The following MIPEP variants were observed in gnomAD, a reference collection of about 807,000 sequenced individuals.
MIPEP encodes the protein mitochondrial intermediate peptidase.
In MIPEP, 79 loss-of-function variants were observed where a neutral mutation model predicts 90.3. The observed-to-expected ratio is 0.87, with a 90% CI of 0.73 to 1.05. The LOEUF (loss-of-function observed/expected upper bound fraction) is 1.05. Ranked by LOEUF, MIPEP falls within the 50% of genes least tolerant of loss-of-function variation. MIPEP has a pLI of 0.00. For synonymous variants in MIPEP, 334 were observed against 315.8 expected, an observed-to-expected ratio of 1.06 and a Z score of -0.61; for missense variants, 940 against 905.6, an observed-to-expected ratio of 1.04 and a Z score of -0.49.
Position 23,836,359 on chromosome 13 carries a change from G to GAAAA in MIPEP, c.1544-14_1544-11dup. 6 of 1,193,814 alleles carry GAAAA rather than the reference G, an allele frequency of 5.0e-6. No homozygotes were observed. Among genetic ancestry groups the GAAAA allele is most frequent in the East Asian group, 3.0e-5 (1 of 33,482 alleles). The allele number at this position is 1,193,814 out of a possible 1,614,324, so 74.0% of individuals were successfully genotyped here. ...GTAGGGCACCTGGTCCCTAAAACAA[G>GAAAA]AAAAAAAAAAAAGTTGGCATGAATC... is the stretch of plus-strand genomic sequence containing the variant. On this transcript the variant is annotated splice_polypyrimidine_tract_variant and intron_variant, in intron 13 of 18. Coordinates refer to ENST00000382172, the MANE Select transcript of MIPEP (RefSeq NM_005932.4).
At chr13:23,873,049 AAAG>A (rs1163990200) in intron 5 of MIPEP, among the ~76,000 whole-genome samples, 3 of 152,248 alleles carry the variant, frequency 2.0e-5, no homozygotes, top group African/African-American at 4.8e-5. Flanking sequence ...AACAAAAGGT[AAAG>A]AAGAATGCCA....
chr13:23,789,829 C>A (rs749029353), intron 16 of MIPEP, among the ~76,000 whole-genome samples: 5 of 152,122 alleles, frequency 3.3e-5, no homozygotes, highest in African/African-American at 1.2e-4. Flanking sequence ...AGTTCCACTG[C>A]GATCAGTCTT....
chr13:23,853,281 T>C (rs961055212), intron 10 of MIPEP, among the ~76,000 whole-genome samples: 1 of 152,182 alleles, frequency 6.6e-6, no homozygotes, highest in Admixed American at 6.5e-5. Context: ...CCAGAGCAAC[T>C]TCCAGTCCTG....
At position 23,805,246 on chromosome 13, in the gene MIPEP, C is replaced by T. The variant is rs183266586; in HGVS notation, c.1848+704G>A. On this transcript the variant is annotated intron_variant, in intron 16 of 18. Coordinates refer to ENST00000382172, the MANE Select transcript of MIPEP (RefSeq NM_005932.4). ...ACACTGTTAATTGCACTAGGAGTCA[C>T]GGTGCTCAACTGCTCCTTACACGAG... Among the ~76,000 whole-genome samples, 16 of 152,222 alleles carry T rather than the reference C, an allele frequency of 1.1e-4. No homozygotes were observed. In the East Asian group the frequency reaches 2.7e-3, roughly 26 times the overall value.
intron 15 of MIPEP, among the ~76,000 whole-genome samples, chr13:23,808,391 A>C (rs898681470): frequency 6.6e-6 from 1 of 152,048 alleles, no homozygotes; most frequent in Admixed American, 6.6e-5. Context: ...GAGCCACCGC[A>C]TCTGGCCTTA....
chr13:23,834,663 C>A (rs1216853683), intron 14 of MIPEP, among the ~76,000 whole-genome samples: 1 of 152,200 alleles, frequency 6.6e-6, no homozygotes, highest in South Asian at 2.1e-4. Context: ...CTGGCGAATG[C>A]CGCTTCTCTT....
chr13:23,835,028 T>TTTC (rs1868970410), intron 14 of MIPEP, among the ~76,000 whole-genome samples: 1 of 150,610 alleles, frequency 6.6e-6, no homozygotes, highest in African/African-American at 2.4e-5. Context: ...ATTATTCTTT[T>TTTC]TTTTTTTTTT....
chr13:23,767,855 A>T (rs549078468), intron 16 of MIPEP, among the ~76,000 whole-genome samples: 1 of 152,322 alleles, frequency 6.6e-6, no homozygotes, highest in East Asian at 1.9e-4. Flanking sequence ...GGCAGAGATT[A>T]GTAAGTGTTC....
chr13:23,872,392 C>T (rs572312274), intron 5 of MIPEP, among the ~76,000 whole-genome samples: 23 of 152,078 alleles, frequency 1.5e-4, no homozygotes, highest in Non-Finnish European at 2.4e-4. Flanking sequence ...ACCCGGGAGG[C>T]GGAGGTTGCG....
chr13:23,874,010 A>G (rs1465636582), intron 5 of MIPEP, among the ~76,000 whole-genome samples: 3 of 152,236 alleles, frequency 2.0e-5, no homozygotes, highest in Non-Finnish European at 2.9e-5. Context: ...TATGTGATAC[A>G]TATTTCCAAG....
At position 23,837,675 on chromosome 13, in the gene MIPEP, G is replaced by A; in HGVS notation, c.1420C>T (p.Leu474Phe). The change falls in exon 13 of 19, where the codon CTT becomes TTT. Residue 474 changes from leucine (L) to phenylalanine (F), a missense_variant. By Grantham distance (22) the Leu-to-Phe change is conservative. Coordinates refer to ENST00000382172, the MANE Select transcript of MIPEP (RefSeq NM_005932.4). ...QLPVVVLMLN[L>F]PRSSRSSPTL... ...GGAGAACTCCTTGAGGAACGGGGAAGATTCAGCATAAGAACTACAACTGGG... is the reference window on the plus strand; with the variant it reads ...GGAGAACTCCTTGAGGAACGGGGAAAATTCAGCATAAGAACTACAACTGGG... 6.2e-7 allele frequency: 1 copy of A among 1,614,070 alleles called. No homozygotes were observed. Among genetic ancestry groups the A allele is most frequent in the Non-Finnish European group, 8.5e-7 (1 of 1,179,906 alleles).
At chr13:23,768,110 T>G (rs2138527590) in intron 16 of MIPEP, among the ~76,000 whole-genome samples, 1 of 151,510 alleles carries the variant, frequency 6.6e-6, no homozygotes, top group Non-Finnish European at 1.5e-5. Flanking sequence ...TTTGAAATGG[T>G]GAAGACTGGA....
chr13:23,791,583 C>T (rs569224471), intron 16 of MIPEP, among the ~76,000 whole-genome samples: 7 of 152,208 alleles, frequency 4.6e-5, no homozygotes, highest in African/African-American at 1.7e-4. Context: ...CCCCTCCACC[C>T]GTACAAAAAT....
chr13:23,788,222 C>G (rs1467981858), intron 16 of MIPEP, among the ~76,000 whole-genome samples: 1 of 152,320 alleles, frequency 6.6e-6, no homozygotes, highest in African/African-American at 2.4e-5. Context: ...GTATACTTTC[C>G]TATCAGTTTT....
At chr13:23,880,393 G>A (rs1455149881) in intron 3 of MIPEP, among the ~76,000 whole-genome samples, 4 of 152,198 alleles carry the variant, frequency 2.6e-5, no homozygotes, top group Admixed American at 6.5e-5. Context: ...CTCAGAGGCT[G>A]CCCGCACTGC....
intron 16 of MIPEP, among the ~76,000 whole-genome samples, chr13:23,802,047 TTA>T (rs1188541182): frequency 1.3e-5 from 2 of 152,098 alleles, no homozygotes; most frequent in East Asian, 1.9e-4. Context: ...TGCAAAGTGG[TTA>T]TACCAATTTG....
chr13:23,866,417 A>G (rs2137510338), intron 7 of MIPEP, among the ~76,000 whole-genome samples: 1 of 152,262 alleles, frequency 6.6e-6, no homozygotes, highest in Middle Eastern at 3.4e-3. Context: ...CTTAGTGCAC[A>G]AGGGTGACCT....
Position 23,862,314 on chromosome 13 carries a change from A to AT in MIPEP, c.1040dup (p.Asn347LysfsTer25), listed in dbSNP as rs1327072693. 1.9e-6 allele frequency: 3 copies of AT among 1,553,254 alleles called. No individual in the cohort carries two copies. Among genetic ancestry groups the AT allele is most frequent in the Non-Finnish European group, 2.7e-6 (3 of 1,131,908 alleles). The stretch of plus-strand genomic sequence containing the variant: ...CCAACATACTTACGGAATTTTGAGG[A>AT]TTCAGTTTCATTTTCATCCCTCGTA... On this transcript the variant is annotated frameshift_variant, in exon 9 of 19. Transcript: ENST00000382172. LOFTEE classifies it high-confidence loss of function.
intron 8 of MIPEP, among the ~76,000 whole-genome samples, chr13:23,863,479 T>C (rs1167360163): frequency 6.6e-6 from 1 of 152,220 alleles, no homozygotes; most frequent in African/African-American, 2.4e-5. Flanking sequence ...TTAAAAACAC[T>C]GTATAAAATT....
Sources: allele counts gnomAD v4.1 joint callset (sites outside exome capture counted in the v4.1 genomes callset), GRCh38; gene constraint gnomAD v4.1.1; transcripts MANE v1.5; gene names NCBI Gene and HGNC (gene_info 2026-07-23, HGNC 2026-07-21).